The following APLP2 variants were observed in gnomAD, a reference collection of about 807,000 sequenced individuals.
APLP2 encodes the protein amyloid beta precursor like protein 2, also known as CDEI box-binding protein.
APLP2 carries 53 observed loss-of-function variants against 89.9 expected under a neutral mutation model. That is an observed-to-expected ratio of 0.59 (90% CI 0.47 to 0.74). The LOEUF (loss-of-function observed/expected upper bound fraction) is 0.74, where lower values mean the gene tolerates loss of function less well. Among genes scored for constraint, APLP2 ranks in the 30% least tolerant of loss-of-function variants. The probability of loss-of-function intolerance (pLI) is 0.00; values close to 1 mark genes in which losing one functional copy is unlikely to be tolerated. For missense variants in APLP2, 973 were observed against 975.9 expected, an observed-to-expected ratio of 1.00 and a Z score of 0.04; for synonymous variants, 372 against 348.6, an observed-to-expected ratio of 1.07 and a Z score of -0.75.
intron 8 of APLP2, 49 bp from the exon 9 acceptor site, chr11:130,127,717 G>C (rs1950535095): frequency 6.6e-7 from 1 of 1,505,786 alleles, no homozygotes; most frequent in Non-Finnish European, 9.2e-7. Context: ...TGGAGGAGTT[G>C]TTTCGGGGTA....
At chr11:130,091,477 G>A (rs1478970022) in intron 1 of APLP2, among the ~76,000 whole-genome samples, 3 of 131,500 alleles carry the variant, frequency 2.3e-5, no homozygotes, top group Non-Finnish European at 1.6e-5. Flanking sequence ...AGACGGGGCG[G>A]CTGGCCGGGC....
At chr11:130,097,785 G>T (rs1946405589) in intron 1 of APLP2, among the ~76,000 whole-genome samples, 1 of 152,168 alleles carries the variant, frequency 6.6e-6, no homozygotes, top group Admixed American at 6.5e-5. Flanking sequence ...AATAGATAAG[G>T]TTGTTCTTGG....
intron 1 of APLP2, among the ~76,000 whole-genome samples, chr11:130,078,435 T>G (rs1207863182): frequency 1.3e-5 from 2 of 152,174 alleles, no homozygotes; most frequent in Non-Finnish European, 2.9e-5. Context: ...AGTGATGTCT[T>G]TTGAAGAAGT....
chr11:130,100,734 A>G (rs1946796629), intron 1 of APLP2, among the ~76,000 whole-genome samples: 1 of 152,248 alleles, frequency 6.6e-6, no homozygotes, highest in Non-Finnish European at 1.5e-5. Flanking sequence ...TGTGAAAATA[A>G]TACCTAACAG....
intron 12 of APLP2, among the ~76,000 whole-genome samples, chr11:130,135,160 A>G (rs376618330): frequency 1.3e-5 from 2 of 151,722 alleles, no homozygotes; most frequent in East Asian, 3.9e-4. Context: ...CGTACTATAT[A>G]CTAAAAATTT....
rs544421806 is a variant in APLP2, at chr11:130,100,498, A to T, written c.106-8931A>T. 8 of 152,120 alleles carry T rather than the reference A, an allele frequency of 5.3e-5. No individual in the cohort carries two copies. The South Asian group carries it at 1.7e-3, about 32-fold the overall frequency. The allele number at this position is 152,120 out of a possible 1,614,324, so 9.4% of individuals were successfully genotyped here. The stretch of plus-strand genomic sequence containing the variant: ...TTATGTATTTGTATATTTTGAAAAA[A>T]CTTCCCTTAGCTCTCATGTCAGAGA... On this transcript the variant is annotated intron_variant, in intron 1 of 16. Transcript: ENST00000338167.
rs758218836 is a variant in APLP2, at chr11:130,123,697, G to A, written c.1008G>A (p.Val336=). The change falls in exon 7 of 17, where the codon GTG becomes GTA. Residue 336 remains valine (V), a synonymous_variant. Coordinates refer to ENST00000338167, the MANE Select transcript of APLP2 (RefSeq NM_001142276.2). This position sits in a 1 kb window ranked among gnomAD's most constrained non-coding sequence, Gnocchi z 4.0. ...WYFDLSKGKC[V]RFIYGGCGGN... Reference sequence around the variant, plus strand: ...TCGACCTCTCCAAGGGAAAGTGCGTGCGCTTTATATATGGTGGCTGCGGCG... The same window carrying A: ...TCGACCTCTCCAAGGGAAAGTGCGTACGCTTTATATATGGTGGCTGCGGCG... The A allele has an allele frequency of 4.3e-6, 7 of 1,614,162 alleles. No individual in the cohort carries two copies. The highest frequency in any genetic ancestry group is 1.7e-5 in the Admixed American group (1 of 60,016).
Position 130,123,485 on chromosome 11 carries a change from G to GGGCCTCCAGGCCTCCA in APLP2, c.923-116_923-115insCTCCAGGCCTCCAGGC, listed in dbSNP as rs1312946168. 1 of 1,007,180 alleles carries GGGCCTCCAGGCCTCCA rather than the reference G, an allele frequency of 9.9e-7. No homozygotes were observed. The highest frequency in any genetic ancestry group is 1.6e-5 in the African/African-American group (1 of 61,490). 62.4% of individuals were successfully genotyped at this position (1,007,180 alleles called of 1,614,324 possible). A position where few individuals can be genotyped will look rare whatever the true frequency, so the allele number is the denominator to read the frequency against. ...GCCTGAGCTGGAGCTTTCGGCCACC[G>GGGCCTCCAGGCCTCCA]GGCCTCCAGGCTCCGTCCAGTCTCA... is the stretch of plus-strand genomic sequence containing the variant. On this transcript the variant is annotated intron_variant, in intron 6 of 16. Transcript: ENST00000338167. This position sits in a 1 kb window ranked among gnomAD's most constrained non-coding sequence, Gnocchi z 4.0.
intron 1 of APLP2, among the ~76,000 whole-genome samples, chr11:130,087,489 G>C (rs2135482536): frequency 6.6e-6 from 1 of 152,318 alleles, no homozygotes; most frequent in Middle Eastern, 3.4e-3. Context: ...TCTCTTCGAG[G>C]GGGCTGAGTA....
chr11:130,091,793 A>G (rs1257740755), intron 1 of APLP2, among the ~76,000 whole-genome samples: 2 of 145,084 alleles, frequency 1.4e-5, no homozygotes, highest in Non-Finnish European at 3.0e-5. Context: ...TCCCTCCCGG[A>G]TGGGGCGGCT....
At chr11:130,091,356 C>T (rs1312152307) in intron 1 of APLP2, among the ~76,000 whole-genome samples, 70 of 146,270 alleles carry the variant, frequency 4.8e-4, no homozygotes, top group Non-Finnish European at 8.4e-4. Context: ...GGCGGCTGGC[C>T]GGGCGGGGGG....
chr11:130,094,202 C>T (rs895488227), intron 1 of APLP2, among the ~76,000 whole-genome samples: 1 of 151,830 alleles, frequency 6.6e-6, no homozygotes, highest in Non-Finnish European at 1.5e-5. Flanking sequence ...TACAGGCATG[C>T]GCCACCATGC....
intron 1 of APLP2, among the ~76,000 whole-genome samples, chr11:130,072,446 C>G (rs1433333160): frequency 6.7e-6 from 1 of 150,266 alleles, no homozygotes; most frequent in African/African-American, 2.4e-5. Flanking sequence ...GGAGAGAAAC[C>G]TTGGTGTGCT....
At chr11:130,138,139 G>T (rs542732011) in intron 13 of APLP2, among the ~76,000 whole-genome samples, 29 of 152,312 alleles carry the variant, frequency 1.9e-4, no homozygotes, top group African/African-American at 5.3e-4. Flanking sequence ...CAGTCATTGT[G>T]AATCATTTCA....
At chr11:130,128,782 C>G (rs879822066) in intron 9 of APLP2, among the ~76,000 whole-genome samples, 9 of 152,196 alleles carry the variant, frequency 5.9e-5, no homozygotes, top group Non-Finnish European at 1.2e-4. Context: ...CTTGCAGGCA[C>G]TAGCACTTGT....
intron 1 of APLP2, chr11:130,108,840 A>G (rs947323881): frequency 6.6e-6 from 1 of 152,104 alleles, no homozygotes; most frequent in African/African-American, 2.4e-5. Context: ...GATTAAGGAG[A>G]TGGCACATAC....
At chr11:130,111,136 A>G (rs185143272) in intron 3 of APLP2, among the ~76,000 whole-genome samples, 5 of 152,242 alleles carry the variant, frequency 3.3e-5, no homozygotes, top group Non-Finnish European at 1.5e-5. Context: ...GCCAGGGCTT[A>G]TAGGACCTGC....
Position 130,081,068 on chromosome 11 carries a change from T to G in APLP2, c.105+10986T>G, listed in dbSNP as rs191129537. On this transcript the variant is annotated intron_variant, in intron 1 of 16. Transcript: ENST00000338167. ...AAGTTCTCCAAGTTATTACAAAAAATTTAGAAAATACAGTTTTGACCAAAA... is the reference window on the plus strand; with the variant it reads ...AAGTTCTCCAAGTTATTACAAAAAAGTTAGAAAATACAGTTTTGACCAAAA... 7.2e-5 allele frequency among the ~76,000 whole-genome samples: 11 copies of G among 152,212 alleles called. No individual in the cohort carries two copies. In the East Asian group the frequency reaches 1.9e-3, roughly 27 times the overall value.
At chr11:130,095,136 A>G (rs1458964446) in intron 1 of APLP2, among the ~76,000 whole-genome samples, 2 of 152,132 alleles carry the variant, frequency 1.3e-5, no homozygotes, top group Non-Finnish European at 2.9e-5. Context: ...CGTGGTTCAC[A>G]CCTGTAGTCC....
Sources: gnomAD v4.1 joint callset for allele counts (sites outside exome capture counted in the v4.1 genomes callset) on GRCh38, gnomAD v4.1.1 for gene constraint, Gnocchi (gnomAD v3.1) non-coding constraint, MANE v1.5 for transcripts, NCBI Gene and HGNC (gene_info 2026-07-23, HGNC 2026-07-21) for gene names.